Variants in CYP19A1 observed in about 807,000 individuals in gnomAD.
CYP19A1 encodes the protein aromatase.
Under a neutral mutation model 44.4 loss-of-function variants are expected in CYP19A1, and 32 were observed. The ratio of observed to expected loss-of-function variants is 0.72; its 90% CI spans 0.54 to 0.97. The LOEUF (loss-of-function observed/expected upper bound fraction) is 0.97. Among genes scored for constraint, CYP19A1 ranks in the 50% least tolerant of loss-of-function variants. CYP19A1 has a pLI of 0.00. For synonymous variants in CYP19A1, 212 were observed against 215.6 expected, an observed-to-expected ratio of 0.98 and a Z score of 0.14; for missense variants, 598 against 637.8, an observed-to-expected ratio of 0.94 and a Z score of 0.67.
rs142546621 is a variant in CYP19A1 at position 51,274,440 on chromosome 15, G to A, written c.-38-31490C>T. On this transcript the variant is annotated intron_variant, in intron 1 of 9. Transcript: ENST00000396402. ...GTTGCCTCTTATGCCTCTTGGGAGC[G>A]TTATTCCCTCCTCTGAGGATGAACT... 9.2e-5 allele frequency among the ~76,000 whole-genome samples: 14 copies of A among 152,278 alleles called. No individual in the cohort carries two copies. In the East Asian group the frequency reaches 1.2e-3, roughly 13 times the overall value.
chr15:51,292,341 A>G (rs914731849), intron 1 of CYP19A1, among the ~76,000 whole-genome samples: 6 of 152,170 alleles, frequency 3.9e-5, no homozygotes, highest in African/African-American at 1.4e-4. Context: ...TGAGTTTATA[A>G]CCACCACCAG....
At chr15:51,211,181 T>A (rs1457009061) in intron 9 of CYP19A1, 125 bp from the exon 10 acceptor site, 4 of 711,814 alleles carry the variant, frequency 5.6e-6, no homozygotes, top group Admixed American at 2.0e-5. Flanking sequence ...TACAATGCCC[T>A]CCATCCCCTC....
intron 3 of CYP19A1, among the ~76,000 whole-genome samples, chr15:51,229,047 A>G (rs2032815044): frequency 6.6e-6 from 1 of 152,162 alleles, no homozygotes; most frequent in Non-Finnish European, 1.5e-5. Flanking sequence ...GCCTGTTGAA[A>G]TACATTCCCA....
At position 51,210,279 on chromosome 15, in the gene CYP19A1, A is replaced by G. The variant is rs2141027796; in HGVS notation, c.*529T>C. On this transcript the variant is annotated 3_prime_UTR_variant, in exon 10 of 10. Coordinates refer to ENST00000396402, the MANE Select transcript of CYP19A1 (RefSeq NM_000103.4). ...ATTCACAGCAAGGGTCAAATGCTGAATTTCTAAGCATTTCTCCAAAGACTA... is the reference window on the plus strand; with the variant it reads ...ATTCACAGCAAGGGTCAAATGCTGAGTTTCTAAGCATTTCTCCAAAGACTA... 2.2e-6 allele frequency: 1 copy of G among 454,310 alleles called. No homozygotes were observed. Among genetic ancestry groups the G allele is most frequent in the South Asian group, 1.6e-5 (1 of 62,726 alleles). 28.1% of individuals were successfully genotyped at this position (454,310 alleles called of 1,614,324 possible).
intron 1 of CYP19A1, among the ~76,000 whole-genome samples, chr15:51,324,590 A>G (rs1211195370): frequency 6.6e-6 from 1 of 152,270 alleles, no homozygotes; most frequent in Non-Finnish European, 1.5e-5. Context: ...TGGCAATAAA[A>G]TAATATAAAC....
rs1168133062 is a variant in CYP19A1 at position 51,215,142 on chromosome 15, A to G, written c.949T>C (p.Phe317Leu). 6.2e-7 allele frequency: 1 copy of G among 1,614,006 alleles called. No individual in the cohort carries two copies. The highest frequency in any genetic ancestry group is 1.3e-5 in the African/African-American group (1 of 74,938). ...TGCTTTGCAATGAGAAATAGCATGA[A>G]GAACAAAGAGACAGACATGGTGTCA... Reference protein sequence around the residue: ...APDTMSVSLFFMLFLIAKHPN... With the variant: ...APDTMSVSLFLMLFLIAKHPN... The change falls in exon 8 of 10, where the codon TTC becomes CTC. Residue 317 changes from phenylalanine to leucine, a missense_variant. Transcript: ENST00000396402.
Position 51,242,773 on chromosome 15 carries a change from A to C in CYP19A1, c.140T>G (p.Ile47Arg). The C allele has an allele frequency of 6.5e-7, 1 of 1,549,908 alleles. No homozygotes were observed. Among genetic ancestry groups the C allele is most frequent in the Non-Finnish European group, 8.9e-7 (1 of 1,121,460 alleles). ...LVWNYEGTSSIPGPGYCMGIG... is the reference protein window; with the variant it reads ...LVWNYEGTSSRPGPGYCMGIG... ...GAAATAAATGACTGACTTACCTGGT[A>C]TTGAGGATGTGCCCTCATAATTCCA... The change falls in exon 2 of 10, where the codon ATA becomes AGA. Residue 47 changes from isoleucine (I) to arginine (R), a missense_variant. Physicochemically the swap from Ile to Arg is moderately conservative, Grantham distance 97 (BLOSUM62 -3). Transcript: ENST00000396402.
chr15:51,266,743 G>A (rs533555204), intron 1 of CYP19A1, among the ~76,000 whole-genome samples: 1 of 152,170 alleles, frequency 6.6e-6, no homozygotes, highest in Non-Finnish European at 1.5e-5. Flanking sequence ...GACAAATCAC[G>A]GAGGTCCCCT....
Position 51,324,137 on chromosome 15 carries a change from A to G in CYP19A1, c.-39+14358T>C, listed in dbSNP as rs930889245. Among the ~76,000 whole-genome samples the G allele has an allele frequency of 3.3e-5, 5 of 152,194 alleles. No individual in the cohort carries two copies. The East Asian group carries it at 9.6e-4, about 29-fold the overall frequency. ...GTGATGACAGGCTTGGTCCAATTTT[A>G]CAATCAAGCAGCACTTGGAATGGGG... On this transcript the variant is annotated intron_variant, in intron 1 of 9. Coordinates refer to ENST00000396402, the MANE Select transcript of CYP19A1 (RefSeq NM_000103.4).
At chr15:51,248,677 T>G (rs1414982978) in intron 1 of CYP19A1, among the ~76,000 whole-genome samples, 1 of 152,198 alleles carries the variant, frequency 6.6e-6, no homozygotes, top group African/African-American at 2.4e-5. Flanking sequence ...CAGAACTGTA[T>G]TCCGCTTCTA....
At chr15:51,274,561 C>T (rs2035238136) in intron 1 of CYP19A1, among the ~76,000 whole-genome samples, 1 of 152,160 alleles carries the variant, frequency 6.6e-6, no homozygotes, top group South Asian at 2.1e-4. Flanking sequence ...CCTACAAATA[C>T]CATCATATTT....
chr15:51,328,538 C>T (rs1010301607), intron 1 of CYP19A1, among the ~76,000 whole-genome samples: 3 of 145,604 alleles, frequency 2.1e-5, no homozygotes, highest in African/African-American at 5.3e-5. Flanking sequence ...TCCTGAGTTA[C>T]AGGGCAGGGG....
intron 1 of CYP19A1, among the ~76,000 whole-genome samples, chr15:51,294,434 T>C (rs1419242871): frequency 1.8e-4 from 25 of 139,910 alleles, no homozygotes; most frequent in African/African-American, 6.1e-4. Flanking sequence ...ACCCTCCGCC[T>C]GGCAACCGCC....
At chr15:51,235,690 T>C (rs1168980152) in intron 3 of CYP19A1, among the ~76,000 whole-genome samples, 1 of 152,240 alleles carries the variant, frequency 6.6e-6, no homozygotes, top group Non-Finnish European at 1.5e-5. Context: ...ATATTTGGGC[T>C]TTGAGGATAC....
At chr15:51,243,927 G>T (rs1480025489) in intron 1 of CYP19A1, among the ~76,000 whole-genome samples, 2 of 152,338 alleles carry the variant, frequency 1.3e-5, no homozygotes, top group African/African-American at 4.8e-5. Context: ...AAGAGGTGTA[G>T]GTTGAACAAA....
intron 1 of CYP19A1, among the ~76,000 whole-genome samples, chr15:51,280,945 A>C (rs1184010578): frequency 6.6e-6 from 1 of 152,126 alleles, no homozygotes; most frequent in Non-Finnish European, 1.5e-5. Context: ...GCACAGTGAG[A>C]GATGCCAAGC....
chr15:51,287,784 G>T (rs1429743810), intron 1 of CYP19A1, among the ~76,000 whole-genome samples: 1 of 152,192 alleles, frequency 6.6e-6, no homozygotes, highest in Non-Finnish European at 1.5e-5. Context: ...CCTCCTTGGT[G>T]TCTGACCTGA....
At position 51,247,860 on chromosome 15, in the gene CYP19A1, A is replaced by T. The variant is rs116369797; in HGVS notation, c.-38-4910T>A. Among the ~76,000 whole-genome samples, 889 of 152,276 alleles carry T rather than the reference A, an allele frequency of 5.8e-3. 14 individuals are homozygous for T. Among genetic ancestry groups the T allele is most frequent in the African/African-American group, 0.021 (857 of 41,544 alleles). ...TATCCAGTCACAAAGTTCTAGGCAT[A>T]GTCCCTAATAATGTCGTGTCCCTGT... On this transcript the variant is annotated intron_variant, in intron 1 of 9. Transcript: ENST00000396402.
intron 2 of CYP19A1, 60 bp from the exon 3 acceptor site, chr15:51,237,069 T>G: frequency 6.3e-7 from 1 of 1,580,810 alleles, no homozygotes; most frequent in African/African-American, 1.3e-5. Context: ...GCAACTGTTT[T>G]GTGTTACTCC....
Sources: allele counts gnomAD v4.1 joint callset (sites outside exome capture counted in the v4.1 genomes callset), GRCh38; gene constraint gnomAD v4.1.1; transcripts MANE v1.5; gene names NCBI Gene and HGNC (gene_info 2026-07-23, HGNC 2026-07-21).